The following DNAH5 variants were observed in gnomAD, a reference collection of about 807,000 sequenced individuals.
DNAH5 encodes the protein dynein axonemal heavy chain 5.
In DNAH5, 372 loss-of-function variants were observed where a neutral mutation model predicts 518.2. The ratio of observed to expected loss-of-function variants is 0.72; its 90% CI spans 0.66 to 0.78. DNAH5 has a LOEUF of 0.78. DNAH5 is among the 30% of genes least tolerant of loss of function. The pLI is 0.00. For missense variants in DNAH5, 5,523 were observed against 5,687.0 expected, an observed-to-expected ratio of 0.97 and a Z score of 0.93; for synonymous variants, 2,039 against 2,025.9, an observed-to-expected ratio of 1.01 and a Z score of -0.17.
chr5:13,939,898 T>C (rs904288742), intron 1 of DNAH5, among the ~76,000 whole-genome samples: 1 of 152,108 alleles, frequency 6.6e-6, no homozygotes, highest in Non-Finnish European at 1.5e-5. Context: ...AGTGAAGCCC[T>C]CCTCTATTTA....
intron 1 of DNAH5, among the ~76,000 whole-genome samples, chr5:13,933,143 A>G (rs1778582900): frequency 6.6e-6 from 1 of 152,206 alleles, no homozygotes; most frequent in African/African-American, 2.4e-5. Context: ...AGAACCACTG[A>G]TATGATACAG....
intron 14 of DNAH5, chr5:13,900,752 G>T (rs557529841): frequency 2.9e-6 from 1 of 342,676 alleles, no homozygotes. Context: ...TAAAAGTTTC[G>T]TAAGACCTCC....
chr5:13,966,139 C>T (rs927886113), intron 1 of DNAH5, among the ~76,000 whole-genome samples: 4 of 152,172 alleles, frequency 2.6e-5, no homozygotes, highest in Non-Finnish European at 5.9e-5. Context: ...TCTCTAATTC[C>T]ATCCAAGGTT....
intron 1 of DNAH5, among the ~76,000 whole-genome samples, chr5:13,998,872 G>A (rs1226691192): frequency 6.6e-6 from 1 of 152,062 alleles, no homozygotes; most frequent in Non-Finnish European, 1.5e-5. Context: ...CATGGCCATT[G>A]ATTACTTCTT....
At chr5:13,830,873 A>T in intron 35 of DNAH5, 98 bp from the exon 36 acceptor site, 1 of 1,191,574 alleles carries the variant, frequency 8.4e-7, no homozygotes, top group Non-Finnish European at 1.2e-6. Context: ...ATTAAAAAAC[A>T]AAAGGCCATT....
At position 13,756,161 on chromosome 5, in the gene DNAH5, A is replaced by G. The variant is rs529330943; in HGVS notation, c.10420-1823T>C. On this transcript the variant is annotated intron_variant, in intron 61 of 78. Transcript: ENST00000265104. ...ACTGGATTCTGCATGGGGCACAGCC[A>G]GGACACACTCTCCTTCAATGGGCCA... Among the ~76,000 whole-genome samples, 6 of 152,320 alleles carry G rather than the reference A, an allele frequency of 3.9e-5. No individual in the cohort carries two copies. The South Asian group carries it at 1.2e-3, about 32-fold the overall frequency.
intron 51 of DNAH5, among the ~76,000 whole-genome samples, chr5:13,787,969 T>C (rs1256613653): frequency 6.6e-6 from 1 of 152,174 alleles, no homozygotes; most frequent in African/African-American, 2.4e-5. Context: ...TAACTTAAAA[T>C]CCATCCTCAG....
At chr5:13,792,265 T>C in intron 49 of DNAH5, 48 bp from the exon 50 acceptor site, 1 of 1,524,046 alleles carries the variant, frequency 6.6e-7, no homozygotes. Flanking sequence ...TCAAAGAAAT[T>C]AAATGAAAAT....
intron 47 of DNAH5, among the ~76,000 whole-genome samples, chr5:13,795,507 C>T (rs898914453): frequency 4.6e-5 from 7 of 152,076 alleles, no homozygotes; most frequent in Admixed American, 2.0e-4. Flanking sequence ...CAGGAAGAAG[C>T]TGAATCTCTG....
In DNAH5 at chr5:13,875,861, TTAA is replaced by T. The variant is rs144664198; in HGVS notation, c.3396+820_3396+822del. ...CCTTGGGAACACATTAAAACTAAAC[TTAA>T]TAATATTTCCTCACATTGTTACAGC... On this transcript the variant is annotated intron_variant, in intron 22 of 78. Coordinates refer to ENST00000265104, the MANE Select transcript of DNAH5 (RefSeq NM_001369.3). Among the ~76,000 whole-genome samples, 1,333 of 152,334 alleles carry T rather than the reference TTAA, an allele frequency of 8.8e-3. 18 individuals carry two copies. The highest frequency in any genetic ancestry group is 0.029 in the African/African-American group (1,217 of 41,578).
chr5:13,860,061 T>C (rs544182559), intron 29 of DNAH5, among the ~76,000 whole-genome samples: 1 of 152,252 alleles, frequency 6.6e-6, no homozygotes, highest in African/African-American at 2.4e-5. Context: ...ACCTGGACTC[T>C]CTCCTTAGCC....
chr5:13,840,726 A>C (rs1765037617), intron 34 of DNAH5, among the ~76,000 whole-genome samples, 180 bp downstream of exon 34: 1 of 152,264 alleles, frequency 6.6e-6, no homozygotes, highest in Non-Finnish European at 1.5e-5. Flanking sequence ...GATCATCAGA[A>C]TATGACTTAC....
chr5:13,988,659 C>A (rs1783241233), intron 1 of DNAH5, among the ~76,000 whole-genome samples: 1 of 151,346 alleles, frequency 6.6e-6, no homozygotes. Flanking sequence ...CTCAAGTGAT[C>A]CACCTGCCTC....
chr5:13,976,648 T>C (rs949084456), intron 1 of DNAH5, among the ~76,000 whole-genome samples: 1 of 151,506 alleles, frequency 6.6e-6, no homozygotes, highest in South Asian at 2.1e-4. Context: ...CTGAACTTTA[T>C]CATAGGTATG....
At chr5:13,917,840 TA>T (rs1373522436) in intron 7 of DNAH5, among the ~76,000 whole-genome samples, 1 of 152,238 alleles carries the variant, frequency 6.6e-6, no homozygotes, top group African/African-American at 2.4e-5. Flanking sequence ...TCACCTCTGC[TA>T]TTTCTTTGAG....
At chr5:13,967,736 TGGTGGTATTTTGATGGGAATTG>T (rs1561019168) in intron 1 of DNAH5, among the ~76,000 whole-genome samples, 30 of 151,398 alleles carry the variant, frequency 2.0e-4, no homozygotes, top group African/African-American at 6.8e-4. Flanking sequence ...TGAGGAATGA[TGGTGGTATTTTGATGGGAATTG>T]CATTGAATTT....
At chr5:13,845,715 A>G (rs556768851) in intron 31 of DNAH5, among the ~76,000 whole-genome samples, 1 of 151,394 alleles carries the variant, frequency 6.6e-6, no homozygotes, top group East Asian at 1.9e-4. Flanking sequence ...TGTTATAATT[A>G]TGATGCTTTT....
intron 1 of DNAH5, among the ~76,000 whole-genome samples, chr5:13,957,203 G>A (rs16902967): frequency 0.042 from 6,453 of 152,180 alleles, 155 homozygotes; most frequent in African/African-American, 0.066. Flanking sequence ...ACAAAGCACA[G>A]TCTACACTAC....
rs1296777736 is a variant in DNAH5 at position 13,692,053 on chromosome 5, A to G, written c.13806T>C (p.Asp4602=). The G allele has an allele frequency of 1.2e-6, 2 of 1,614,120 alleles. No homozygotes were observed. Among genetic ancestry groups the G allele is most frequent in the Admixed American group, 1.7e-5 (1 of 60,012 alleles). ...RTDLNYIAAV[D]LRTAQTPEHW... The stretch of plus-strand genomic sequence containing the variant: ...GTTCAGGGGTCTGGGCTGTCCTGAG[A>G]TCCACAGCGGCAATGTAGTTCAAGT... Residue 4602 remains aspartate, a synonymous_variant, in exon 79 of 79, where the codon GAT becomes GAC. Transcript: ENST00000265104.
Sources: allele counts gnomAD v4.1 joint callset (sites outside exome capture counted in the v4.1 genomes callset), GRCh38; gene constraint gnomAD v4.1.1; transcripts MANE v1.5; gene names NCBI Gene and HGNC (gene_info 2026-07-23, HGNC 2026-07-21).